TRDN: variants seen among roughly 807,000 people sequenced by gnomAD.
The protein encoded by TRDN is triadin.
TRDN carries 161 observed loss-of-function variants against 149.7 expected under a neutral mutation model. The observed-to-expected ratio is 1.08, with a 90% CI of 0.95 to 1.23. The LOEUF (loss-of-function observed/expected upper bound fraction) is 1.23. Ranked by LOEUF, TRDN falls within the 50% of genes most tolerant of loss-of-function variation. The pLI, the probability that TRDN is intolerant of heterozygous loss-of-function variation, is 0.00. For synonymous variants in TRDN, 294 were observed against 250.5 expected, an observed-to-expected ratio of 1.17 and a Z score of -1.64; for missense variants, 896 against 823.5, an observed-to-expected ratio of 1.09 and a Z score of -1.08.
At chr6:123,614,576 G>A (rs1784992608) in intron 1 of TRDN, among the ~76,000 whole-genome samples, 1 of 151,296 alleles carries the variant, frequency 6.6e-6, no homozygotes, top group African/African-American at 2.4e-5. Context: ...AAACGTAAGT[G>A]TATTTAAAAT....
intron 12 of TRDN, among the ~76,000 whole-genome samples, chr6:123,414,222 G>A (rs887984176): frequency 8.6e-5 from 13 of 151,866 alleles, no homozygotes; most frequent in African/African-American, 3.1e-4. Flanking sequence ...TATTGATCAA[G>A]GTTAACCTTA....
intron 32 of TRDN, 117 bp downstream of exon 32, chr6:123,267,590 A>G: frequency 1.6e-6 from 1 of 640,908 alleles, no homozygotes; most frequent in Non-Finnish European, 2.5e-6. Flanking sequence ...ACAAAACCAC[A>G]GGACAACACA....
chr6:123,478,560 A>T (rs187969018), intron 9 of TRDN, among the ~76,000 whole-genome samples: 1 of 152,352 alleles, frequency 6.6e-6, no homozygotes, highest in Admixed American at 6.5e-5. Context: ...ATAGGTAAAT[A>T]GGTAAATACG....
At chr6:123,338,050 G>T (rs1482456239) in intron 21 of TRDN, among the ~76,000 whole-genome samples, 4 of 152,104 alleles carry the variant, frequency 2.6e-5, no homozygotes, top group Non-Finnish European at 1.5e-5. Context: ...TATAGGTTCT[G>T]TTATTATTTC....
At chr6:123,457,307 C>CA (rs879386159) in intron 10 of TRDN, among the ~76,000 whole-genome samples, 3 of 152,180 alleles carry the variant, frequency 2.0e-5, no homozygotes, top group Non-Finnish European at 2.9e-5. Context: ...ACAGTCAAGA[C>CA]AGACAGATGC....
At chr6:123,380,026 T>C (rs572374695) in intron 16 of TRDN, among the ~76,000 whole-genome samples, 12 of 152,176 alleles carry the variant, frequency 7.9e-5, no homozygotes, top group African/African-American at 2.2e-4. Flanking sequence ...ATCAAAGAAA[T>C]TCAAAGATAC....
chr6:123,279,317 A>G (rs1777498230), intron 24 of TRDN, among the ~76,000 whole-genome samples: 2 of 152,264 alleles, frequency 1.3e-5, no homozygotes, highest in East Asian at 1.9e-4. Flanking sequence ...TTTAGGCCAT[A>G]TAGTCTCTCA....
intron 12 of TRDN, among the ~76,000 whole-genome samples, chr6:123,416,996 C>A (rs1438358153): frequency 1.3e-5 from 2 of 152,202 alleles, no homozygotes; most frequent in Non-Finnish European, 2.9e-5. Flanking sequence ...AGCCACCACG[C>A]CCAGCCACCA....
chr6:123,223,697 C>CTTCCTTCT (rs1775241600), intron 39 of TRDN, among the ~76,000 whole-genome samples: 1 of 147,510 alleles, frequency 6.8e-6, no homozygotes, highest in Admixed American at 6.9e-5. Context: ...TCCTTCCTTC[C>CTTCCTTCT]TTCCTTCCTT....
chr6:123,490,900 C>T (rs1778185721), intron 9 of TRDN, among the ~76,000 whole-genome samples: 1 of 152,084 alleles, frequency 6.6e-6, no homozygotes, highest in African/African-American at 2.4e-5. Context: ...GTCAAGAGAT[C>T]AAGGCCATCC....
chr6:123,465,085 T>A, intron 9 of TRDN, 102 bp from the exon 10 acceptor site: 1 of 1,228,346 alleles, frequency 8.1e-7, no homozygotes, highest in Middle Eastern at 2.6e-4. Flanking sequence ...TAATTCATAA[T>A]ACCAAGCCAA....
intron 12 of TRDN, among the ~76,000 whole-genome samples, chr6:123,435,910 G>T (rs775961457): frequency 3.3e-5 from 5 of 151,976 alleles, no homozygotes; most frequent in Non-Finnish European, 7.4e-5. Context: ...TGGCAGGGGA[G>T]TATCAGATTT....
chr6:123,234,476 T>C (rs1461843131), intron 38 of TRDN, among the ~76,000 whole-genome samples: 1 of 152,158 alleles, frequency 6.6e-6, no homozygotes, highest in East Asian at 1.9e-4. Flanking sequence ...TTTGCTTTAA[T>C]AAAGATTAAA....
At chr6:123,501,766 A>G in intron 8 of TRDN, 5 of 762,958 alleles carry the variant, frequency 6.6e-6, no homozygotes, top group Non-Finnish European at 8.0e-6. Flanking sequence ...TGATATTTGA[A>G]TGTCCTTTTA....
chr6:123,434,183 T>A (rs1490227389), intron 12 of TRDN: 1 of 152,198 alleles, frequency 6.6e-6, no homozygotes, highest in African/African-American at 2.4e-5. Flanking sequence ...TCTCTTATTG[T>A]ATGAATTTTA....
intron 24 of TRDN, among the ~76,000 whole-genome samples, chr6:123,289,665 C>T (rs899214032): frequency 1.3e-5 from 2 of 152,166 alleles, no homozygotes; most frequent in African/African-American, 4.8e-5. Context: ...TCTGCATAAT[C>T]TTCACCTTAA....
intron 3 of TRDN, among the ~76,000 whole-genome samples, chr6:123,547,772 A>G (rs1463739050): frequency 3.9e-5 from 6 of 152,060 alleles, no homozygotes; most frequent in African/African-American, 1.4e-4. Context: ...CTGATGACTA[A>G]GACTGACCCT....
intron 37 of TRDN, among the ~76,000 whole-genome samples, chr6:123,253,057 A>G (rs1776429766): frequency 6.6e-6 from 1 of 152,102 alleles, no homozygotes; most frequent in African/African-American, 2.4e-5. Context: ...TCAAAGATAG[A>G]TAAAATAAAT....
chr6:123,558,900 C>A (rs750342364), intron 2 of TRDN, among the ~76,000 whole-genome samples: 3 of 152,254 alleles, frequency 2.0e-5, no homozygotes, highest in African/African-American at 4.8e-5. Context: ...CCTCCTCCCC[C>A]AGGACCTTGC....
Sources: allele counts gnomAD v4.1 joint callset (sites outside exome capture counted in the v4.1 genomes callset), GRCh38; gene constraint gnomAD v4.1.1; transcripts MANE v1.5; gene names NCBI Gene and HGNC (gene_info 2026-07-23, HGNC 2026-07-21).